SLC39A11: variants seen among roughly 807,000 people sequenced by gnomAD.
SLC39A11 encodes the protein solute carrier family 39 member 11.
SLC39A11 carries 33 observed loss-of-function variants against 36.1 expected under a neutral mutation model. The ratio of observed to expected loss-of-function variants is 0.91; its 90% CI spans 0.69 to 1.22. The LOEUF is 1.22. SLC39A11 is among the 50% of genes most tolerant of loss of function. The pLI is 0.00. For synonymous variants in SLC39A11, 166 were observed against 170.3 expected (o/e 0.97, Z 0.20); for missense variants, 432 against 430.3 (o/e 1.00, Z -0.03).
In SLC39A11 at chr17:72,796,611, G is replaced by A. The variant is rs2713987; in HGVS notation, c.601+53023C>T. On this transcript the variant is annotated intron_variant, in intron 6 of 9. Coordinates refer to ENST00000255559, the MANE Select transcript of SLC39A11 (RefSeq NM_139177.4). ...AGACAGAATCATGAGCAGAAAGCAC[G>A]TTTCAACAGGCAGCTGAAAAAACGA... Among the ~76,000 whole-genome samples the A allele has an allele frequency of 4.4e-3, 671 of 152,224 alleles. 10 individuals are homozygous for A. Among genetic ancestry groups the A allele is most frequent in the African/African-American group, 0.014 (595 of 41,490 alleles).
intron 4 of SLC39A11, among the ~76,000 whole-genome samples, chr17:73,017,525 C>A (rs62073071): frequency 6.6e-6 from 1 of 151,938 alleles, no homozygotes; most frequent in African/African-American, 2.4e-5. Flanking sequence ...CCAGCCTGAG[C>A]ATCATGGTGA....
At chr17:72,698,923 T>C (rs576951614) in intron 7 of SLC39A11, among the ~76,000 whole-genome samples, 24 of 152,266 alleles carry the variant, frequency 1.6e-4, no homozygotes, top group South Asian at 4.1e-4. Context: ...CTCTGCTTCC[T>C]GGGTTCACGC....
chr17:72,919,712 G>C (rs2083543408), intron 5 of SLC39A11, among the ~76,000 whole-genome samples: 3 of 149,854 alleles, frequency 2.0e-5, no homozygotes, highest in Admixed American at 2.0e-4. Context: ...CCCAAGGGAA[G>C]AGAAGCCAGA....
At chr17:72,914,063 C>T (rs141962814) in intron 5 of SLC39A11, among the ~76,000 whole-genome samples, 22,574 of 149,954 alleles carry the variant, frequency 0.15, 1,981 homozygotes, top group Non-Finnish European at 0.2. Flanking sequence ...GCCTGTAATC[C>T]CAGCACTTTG....
At chr17:72,788,938 A>G (rs752237906) in intron 6 of SLC39A11, among the ~76,000 whole-genome samples, 1 of 152,012 alleles carries the variant, frequency 6.6e-6, no homozygotes, top group African/African-American at 2.4e-5. Flanking sequence ...TCATTATAGC[A>G]TGTTTTCTTT....
intron 5 of SLC39A11, among the ~76,000 whole-genome samples, chr17:72,898,581 G>GA (rs1241464669): frequency 2.0e-5 from 3 of 150,896 alleles, no homozygotes; most frequent in Admixed American, 1.3e-4. Context: ...GCTTGTCAGA[G>GA]AAAAAAAAAG....
chr17:72,794,638 A>C (rs9904674), intron 6 of SLC39A11, among the ~76,000 whole-genome samples: 99,630 of 151,624 alleles, frequency 0.66, 33,683 homozygotes, highest in Non-Finnish European at 0.75. Context: ...TTAGCACCTT[A>C]CTTGTGCAGG....
intron 4 of SLC39A11, among the ~76,000 whole-genome samples, chr17:73,004,485 C>A (rs974400510): frequency 1.3e-5 from 2 of 152,162 alleles, no homozygotes; most frequent in South Asian, 2.1e-4. Flanking sequence ...CCCATCCTCA[C>A]GACATCATCT....
intron 6 of SLC39A11, chr17:72,838,004 T>C (rs2078641432): frequency 8.1e-7 from 1 of 1,231,110 alleles, no homozygotes; most frequent in Non-Finnish European, 1.0e-6. Context: ...TAGTGGTAGG[T>C]TGGGTACAGT....
At chr17:72,931,080 A>G (rs1446914343) in intron 5 of SLC39A11, among the ~76,000 whole-genome samples, 1 of 152,100 alleles carries the variant, frequency 6.6e-6, no homozygotes, top group African/African-American at 2.4e-5. Context: ...AGTGAGAGAG[A>G]GGCTGGGGGA....
intron 4 of SLC39A11, among the ~76,000 whole-genome samples, chr17:72,994,267 A>G (rs1329240846): frequency 1.3e-5 from 2 of 152,230 alleles, no homozygotes; most frequent in African/African-American, 2.4e-5. Context: ...AGAGCTATAG[A>G]CAATGATGTG....
At chr17:72,668,013 C>A (rs576267838) in intron 7 of SLC39A11, among the ~76,000 whole-genome samples, 56 of 152,150 alleles carry the variant, frequency 3.7e-4, no homozygotes, top group Non-Finnish European at 6.5e-4. Context: ...AGAAACAGTG[C>A]AGAGTGAGGG....
chr17:72,727,299 G>A (rs1018946147), intron 7 of SLC39A11, among the ~76,000 whole-genome samples: 4 of 152,110 alleles, frequency 2.6e-5, no homozygotes, highest in South Asian at 2.1e-4. Context: ...AAGCACATAC[G>A]GTCTGAAGAA....
intron 6 of SLC39A11, among the ~76,000 whole-genome samples, chr17:72,779,644 T>A: frequency 6.6e-6 from 1 of 152,144 alleles, no homozygotes; most frequent in Admixed American, 6.5e-5. Flanking sequence ...ACCTCCACCT[T>A]CACCCATTCA....
intron 4 of SLC39A11, among the ~76,000 whole-genome samples, chr17:72,986,790 C>T (rs1466969270): frequency 2.0e-5 from 3 of 152,176 alleles, no homozygotes; most frequent in Non-Finnish European, 4.4e-5. Flanking sequence ...CTTTGGGAGG[C>T]TGAGGCAGGC....
chr17:72,867,518 T>C (rs764550426), intron 5 of SLC39A11, among the ~76,000 whole-genome samples: 1 of 150,854 alleles, frequency 6.6e-6, no homozygotes, highest in African/African-American at 2.4e-5. Context: ...AACAAACAAA[T>C]AAAGGAAAGG....
At chr17:73,091,371 G>C (rs2060917726) in intron 1 of SLC39A11, among the ~76,000 whole-genome samples, 1 of 151,992 alleles carries the variant, frequency 6.6e-6, no homozygotes, top group Admixed American at 6.6e-5. Flanking sequence ...TTGAACCCGG[G>C]AGGCGGAGGT....
intron 7 of SLC39A11, among the ~76,000 whole-genome samples, chr17:72,682,650 C>T (rs545882956): frequency 1.3e-5 from 2 of 152,192 alleles, no homozygotes; most frequent in East Asian, 3.9e-4. Context: ...CTCACTGACC[C>T]CCACAAAAAA....
chr17:72,827,770 G>T (rs987206992), intron 6 of SLC39A11, among the ~76,000 whole-genome samples: 1 of 152,234 alleles, frequency 6.6e-6, no homozygotes, highest in Non-Finnish European at 1.5e-5. Flanking sequence ...TTCCCATGGA[G>T]ACTGGGGAAG....
Sources: gnomAD v4.1 joint callset for allele counts (sites outside exome capture counted in the v4.1 genomes callset) on GRCh38, gnomAD v4.1.1 for gene constraint, MANE v1.5 for transcripts, NCBI Gene and HGNC (gene_info 2026-07-23, HGNC 2026-07-21) for gene names.